Variants in LRIG2 observed in about 807,000 individuals in gnomAD.
LRIG2 encodes leucine rich repeats and immunoglobulin like domains 2.
In LRIG2, 93 loss-of-function variants were observed where a neutral mutation model predicts 107.8. The observed-to-expected ratio is 0.86, with a 90% CI of 0.73 to 1.03. The LOEUF (loss-of-function observed/expected upper bound fraction) is 1.03, where lower values mean the gene tolerates loss of function less well. Ranked by LOEUF, LRIG2 falls within the 50% of genes least tolerant of loss-of-function variation. LRIG2 has a pLI of 0.00. For missense variants in LRIG2, 1,226 were observed against 1,296.0 expected (o/e 0.95, Z 0.83); for synonymous variants, 471 against 470.6 (o/e 1.00, Z -0.01).
intron 17 of LRIG2, among the ~76,000 whole-genome samples, chr1:113,121,319 C>A (rs1193720516): frequency 6.6e-6 from 1 of 152,170 alleles, no homozygotes; most frequent in Non-Finnish European, 1.5e-5. Flanking sequence ...TGATAACCTA[C>A]TTGGCATTTG....
At chr1:113,076,459 AT>A (rs1652988231) in intron 1 of LRIG2, among the ~76,000 whole-genome samples, 1 of 152,234 alleles carries the variant, frequency 6.6e-6, no homozygotes, top group Non-Finnish European at 1.5e-5. Flanking sequence ...ATGTCCTATA[AT>A]GAAATGACAT....
chr1:113,111,520 G>A (rs1018874956), intron 13 of LRIG2, among the ~76,000 whole-genome samples: 31 of 152,262 alleles, frequency 2.0e-4, no homozygotes, highest in African/African-American at 6.7e-4. Flanking sequence ...ATACCACTCT[G>A]TATGCCTTTG....
At position 113,093,413 on chromosome 1, in the gene LRIG2, T is replaced by G; in HGVS notation, c.381-17T>G. 1 of 1,613,106 alleles carries G rather than the reference T, an allele frequency of 6.2e-7. No homozygotes were observed. The highest frequency in any genetic ancestry group is 8.5e-7 in the Non-Finnish European group (1 of 1,179,566). Reference sequence around the variant, plus strand: ...TGGATCAGTGGCAGCAGCTTCATTATAATCTTTGTTTTACAGAGTCCATAA... The same window carrying G: ...TGGATCAGTGGCAGCAGCTTCATTAGAATCTTTGTTTTACAGAGTCCATAA... On this transcript the variant is annotated splice_polypyrimidine_tract_variant and intron_variant, in intron 3 of 17. Transcript: ENST00000361127.
At chr1:113,114,348 A>T (rs988933808) in intron 14 of LRIG2, 79 bp from the exon 15 acceptor site, 9 of 810,592 alleles carry the variant, frequency 1.1e-5, no homozygotes, top group Non-Finnish European at 1.8e-5. Context: ...TTATACCCCC[A>T]TTGGTCTAAT....
intron 17 of LRIG2, among the ~76,000 whole-genome samples, chr1:113,122,867 T>C (rs1003939478): frequency 1.3e-5 from 2 of 152,254 alleles, no homozygotes; most frequent in African/African-American, 4.8e-5. Flanking sequence ...GAAACCCTGC[T>C]CTAGCTTACT....
chr1:113,081,061 T>C (rs1261946070), intron 1 of LRIG2, among the ~76,000 whole-genome samples: 1 of 151,936 alleles, frequency 6.6e-6, no homozygotes, highest in Non-Finnish European at 1.5e-5. Context: ...CAGGCTGGCC[T>C]CAAACTCCTG....
chr1:113,122,741 T>G (rs990140192), intron 17 of LRIG2, among the ~76,000 whole-genome samples: 1 of 152,188 alleles, frequency 6.6e-6, no homozygotes, highest in African/African-American at 2.4e-5. Context: ...GCATCACCGT[T>G]ACCTAAGAGC....
chr1:113,121,482 G>A (rs536449245), intron 17 of LRIG2, among the ~76,000 whole-genome samples: 6 of 152,124 alleles, frequency 3.9e-5, no homozygotes, highest in Admixed American at 1.3e-4. Flanking sequence ...GGTGGCTCAC[G>A]CCTGTAATCC....
Position 113,123,928 on chromosome 1 carries a change from C to G in LRIG2, c.3025C>G (p.Pro1009Ala). The G allele has an allele frequency of 6.2e-7, 1 of 1,614,186 alleles. No individual in the cohort carries two copies. Among genetic ancestry groups the G allele is most frequent in the Middle Eastern group, 1.6e-4 (1 of 6,062 alleles). Reference protein sequence around the residue: ...NINRELGLPHPPFSQQPVHES... With the variant: ...NINRELGLPHAPFSQQPVHES... Reference sequence around the variant, plus strand: ...AAACAGAGAACTAGGCCTGCCTCATCCTCCTTTTTCCCAGCAGCCAGTCCA... The same window carrying G: ...AAACAGAGAACTAGGCCTGCCTCATGCTCCTTTTTCCCAGCAGCCAGTCCA... Residue 1009 changes from proline (P) to alanine (A), a missense_variant, in exon 18 of 18, where the codon CCT becomes GCT. Physicochemically the swap from Pro to Ala is conservative, Grantham distance 27. Transcript: ENST00000361127.
At chr1:113,112,400 T>G (rs1654807511) in intron 13 of LRIG2, 79 bp from the exon 14 acceptor site, 1 of 1,318,876 alleles carries the variant, frequency 7.6e-7, no homozygotes, top group Non-Finnish European at 1.0e-6. Context: ...GCCTACTAGA[T>G]TCTTTCATGC....
chr1:113,088,534 C>G (rs920139397), intron 1 of LRIG2, among the ~76,000 whole-genome samples: 11 of 152,172 alleles, frequency 7.2e-5, no homozygotes, highest in Non-Finnish European at 7.4e-5. Context: ...GTTACATTGC[C>G]AGGAAGATTT....
rs571181012 is a variant in LRIG2, at chr1:113,095,929, C to G, written c.859C>G (p.Arg287Gly). Reference protein sequence around the residue: ...RVNKGWLYGLRMLQQLYVSQN... With the variant: ...RVNKGWLYGLGMLQQLYVSQN... The stretch of plus-strand genomic sequence containing the variant: ...AAACAAGGGGTGGTTGTATGGCTTG[C>G]GAATGTTACAGCAGCTCTATGTGAG... The change falls in exon 7 of 18, where the codon CGA becomes GGA. Residue 287 changes from arginine (R) to glycine (G), a missense_variant. By Grantham distance (125) the Arg-to-Gly change is moderately radical (BLOSUM62 -2). Around this residue, in one of 3 missense-constraint regions of LRIG2, gnomAD observed 570 missense variants for 550.2 expected, o/e 1.04. Coordinates refer to ENST00000361127, the MANE Select transcript of LRIG2 (RefSeq NM_014813.3). 1 of 1,614,082 alleles carries G rather than the reference C, an allele frequency of 6.2e-7. No individual in the cohort carries two copies. The highest frequency in any genetic ancestry group is 8.5e-7 in the Non-Finnish European group (1 of 1,180,002).
intron 1 of LRIG2, among the ~76,000 whole-genome samples, chr1:113,079,469 G>A (rs952433560): frequency 2.4e-4 from 37 of 151,580 alleles, no homozygotes; most frequent in Non-Finnish European, 5.2e-4. Context: ...TACATCACGA[G>A]GTCAGGAGTT....
At chr1:113,120,705 T>C (rs1233860043) in intron 17 of LRIG2, among the ~76,000 whole-genome samples, 1 of 151,236 alleles carries the variant, frequency 6.6e-6, no homozygotes, top group Non-Finnish European at 1.5e-5. Context: ...AGATGGGGTT[T>C]CTCCATGTTG....
At position 113,128,585 on chromosome 1, in the gene LRIG2, G is replaced by C. The variant is rs551559936; in HGVS notation, c.*4484G>C. On this transcript the variant is annotated 3_prime_UTR_variant, in exon 18 of 18. Transcript: ENST00000361127. ...AAAGCTGCTTTGGTGACATTTGTTC[G>C]AGTAGAACAAGAGTGATGCTGCTCA... 2 of 152,156 alleles carry C rather than the reference G, an allele frequency of 1.3e-5. No homozygotes were observed. Among genetic ancestry groups the C allele is most frequent in the Non-Finnish European group, 1.5e-5 (1 of 68,014 alleles). 9.4% of individuals were successfully genotyped at this position (152,156 alleles called of 1,614,324 possible). A position where few individuals can be genotyped will look rare whatever the true frequency, so the allele number is the denominator to read the frequency against.
intron 1 of LRIG2, among the ~76,000 whole-genome samples, chr1:113,080,152 C>G (rs1354130109): frequency 6.7e-6 from 1 of 150,246 alleles, no homozygotes; most frequent in East Asian, 2.0e-4. Context: ...TCCCAAGTAG[C>G]TGGGACTACA....
intron 1 of LRIG2, among the ~76,000 whole-genome samples, chr1:113,083,996 GTA>G (rs1491470701): frequency 3.9e-5 from 4 of 102,956 alleles, no homozygotes; most frequent in African/African-American, 7.3e-5. Flanking sequence ...AGAACTTAAA[GTA>G]TAATAATAAT....
rs758844139 is a variant in LRIG2, at chr1:113,112,785, C to G, written c.2080+25C>G. On this transcript the variant is annotated intron_variant, in intron 14 of 17. Coordinates refer to ENST00000361127, the MANE Select transcript of LRIG2 (RefSeq NM_014813.3). ...GGTACGTTTACTGCTCCATGGGTCC[C>G]TGCTTTTGTTGGAGTCTTTGGGAGC... 3 of 1,564,856 alleles carry G rather than the reference C, an allele frequency of 1.9e-6. 1 individual carries two copies. In the South Asian group the frequency reaches 3.5e-5, roughly 18 times the overall value.
At position 113,093,267 on chromosome 1, in the gene LRIG2, A is replaced by T. The variant is rs777480277; in HGVS notation, c.367A>T (p.Thr123Ser). ...TTTTGGAGAACCTACATCTAATATT[A>T]CTCTACTTTCATTGTAAGTTAGTAA... ...PYFGEPTSNI[T>S]LLSLVHNIIP... Residue 123 changes from threonine to serine, a missense_variant, in exon 3 of 18, where the codon ACT (threonine) becomes TCT (serine). Thr to Ser is a moderately conservative substitution (Grantham distance 58). Transcript: ENST00000361127. 6.9e-6 allele frequency: 11 copies of T among 1,589,902 alleles called. No homozygotes were observed. The highest frequency in any genetic ancestry group is 1.8e-5 in the Admixed American group (1 of 56,034).
Sources: allele counts gnomAD v4.1 joint callset (sites outside exome capture counted in the v4.1 genomes callset), GRCh38; gene constraint gnomAD v4.1.1; regional missense constraint gnomAD v4.1.1; transcripts MANE v1.5; gene names NCBI Gene and HGNC (gene_info 2026-07-23, HGNC 2026-07-21).